Variants in ROBO1 observed in about 807,000 individuals in gnomAD.
ROBO1 encodes the protein roundabout guidance receptor 1, also known as roundabout homolog 1.
Under a neutral mutation model 195.9 loss-of-function variants are expected in ROBO1, and 149 were observed. The ratio of observed to expected loss-of-function variants is 0.76; its 90% CI spans 0.67 to 0.87. The LOEUF is 0.87. ROBO1 is among the 40% of genes least tolerant of loss of function. The pLI, the probability that ROBO1 is intolerant of heterozygous loss-of-function variation, is 0.00. For synonymous variants in ROBO1, 816 were observed against 733.2 expected (o/e 1.11, Z -1.82); for missense variants, 1,933 against 2,068.3 (o/e 0.93, Z 1.27).
rs1340660315 is a variant in ROBO1 at position 79,049,677 on chromosome 3, C to T, written c.172+75779G>A. Among the ~76,000 whole-genome samples, 3 of 152,080 alleles carry T rather than the reference C, an allele frequency of 2.0e-5. 1 individual carries two copies. In the East Asian group the frequency reaches 5.8e-4, roughly 29 times the overall value. On this transcript the variant is annotated intron_variant, in intron 3 of 30. Transcript: ENST00000464233. The stretch of plus-strand genomic sequence containing the variant: ...GGTCAGGTTACCCACAAAGGGAATC[C>T]CATAAGACTAACAGCAGATCTCTTG...
At position 79,353,144 on chromosome 3, in the gene ROBO1, T is replaced by A. The variant is rs183060228; in HGVS notation, c.89-227605A>T. 2.6e-5 allele frequency among the ~76,000 whole-genome samples: 4 copies of A among 152,238 alleles called. No individual in the cohort carries two copies. The South Asian group carries it at 6.2e-4, about 24-fold the overall frequency. On this transcript the variant is annotated intron_variant, in intron 2 of 30. Coordinates refer to ENST00000464233, the MANE Select transcript of ROBO1 (RefSeq NM_002941.4). ...TAGTAAAAGCACAGTGAGATAACAT[T>A]TTTTTATGTTCAGACTGCAGTATTC...
intron 2 of ROBO1, among the ~76,000 whole-genome samples, chr3:79,184,600 G>T (rs1180969568): frequency 3.9e-5 from 6 of 152,056 alleles, no homozygotes; most frequent in Non-Finnish European, 7.4e-5. Flanking sequence ...ACGGTAGGTG[G>T]GTCAGCTTGG....
intron 4 of ROBO1, among the ~76,000 whole-genome samples, chr3:78,786,809 T>G (rs2083850077): frequency 6.6e-6 from 1 of 152,196 alleles, no homozygotes; most frequent in African/African-American, 2.4e-5. Flanking sequence ...CTCTTTTTCT[T>G]TATAAATTAC....
chr3:79,354,776 G>C (rs1003904723), intron 2 of ROBO1, among the ~76,000 whole-genome samples: 2 of 152,238 alleles, frequency 1.3e-5, no homozygotes, highest in East Asian at 3.9e-4. Flanking sequence ...ATTTAATCAT[G>C]TTCCTCCTCT....
chr3:79,482,621 A>T (rs1192624021), intron 2 of ROBO1, among the ~76,000 whole-genome samples: 1 of 152,310 alleles, frequency 6.6e-6, no homozygotes, highest in East Asian at 1.9e-4. Flanking sequence ...GCAGCATAAA[A>T]ACAACTAATA....
intron 1 of ROBO1, among the ~76,000 whole-genome samples, chr3:79,595,205 G>A (rs1014607992): frequency 6.6e-6 from 1 of 151,902 alleles, no homozygotes; most frequent in Non-Finnish European, 1.5e-5. Context: ...CCTGCTAATA[G>A]GAGGGTGATT....
chr3:79,395,340 A>AAAAGAAAGAAAGAAAGAAAGAAAGAAAG (rs71127382), intron 2 of ROBO1, among the ~76,000 whole-genome samples: 1 of 119,082 alleles, frequency 8.4e-6, no homozygotes, highest in African/African-American at 3.1e-5. Flanking sequence ...AAAAAAAAAA[A>AAAAGAAAGAAAGAAAGAAAGAAAGAAAG]AAAGAAAGAA....
chr3:78,643,395 C>T (rs1209176223), intron 21 of ROBO1, among the ~76,000 whole-genome samples: 1 of 152,182 alleles, frequency 6.6e-6, no homozygotes, highest in African/African-American at 2.4e-5. Flanking sequence ...TTATGTTACG[C>T]ACTTCATTGA....
intron 21 of ROBO1, among the ~76,000 whole-genome samples, chr3:78,644,635 T>A (rs1405445031): frequency 6.6e-6 from 1 of 152,198 alleles, no homozygotes; most frequent in Non-Finnish European, 1.5e-5. Flanking sequence ...ATAGTGAGCT[T>A]TCCAAATAGC....
At chr3:78,692,187 G>T (rs2107864757) in intron 8 of ROBO1, among the ~76,000 whole-genome samples, 1 of 151,952 alleles carries the variant, frequency 6.6e-6, no homozygotes, top group Admixed American at 6.6e-5. Flanking sequence ...CAAATAGCCA[G>T]ATATTACATT....
chr3:79,612,429 T>C (rs1390285223), intron 1 of ROBO1, among the ~76,000 whole-genome samples: 1 of 151,514 alleles, frequency 6.6e-6, no homozygotes, highest in Non-Finnish European at 1.5e-5. Context: ...CAGTCTATCA[T>C]TGTTGGACAT....
intron 4 of ROBO1, among the ~76,000 whole-genome samples, chr3:78,894,826 G>C (rs1160266709): frequency 1.3e-5 from 2 of 152,180 alleles, no homozygotes; most frequent in Non-Finnish European, 2.9e-5. Context: ...GCCCACCTCA[G>C]GCAGCCTAAG....
At chr3:79,585,776 C>T (rs961297557) in intron 2 of ROBO1, among the ~76,000 whole-genome samples, 2 of 151,840 alleles carry the variant, frequency 1.3e-5, no homozygotes, top group Non-Finnish European at 2.9e-5. Context: ...GCCATGGGCC[C>T]TGGGAATCTT....
chr3:79,521,196 C>T (rs1425181432), intron 2 of ROBO1, among the ~76,000 whole-genome samples: 1 of 152,106 alleles, frequency 6.6e-6, no homozygotes, highest in East Asian at 1.9e-4. Flanking sequence ...TGTTCCAGGA[C>T]TATAAAGATT....
At chr3:79,523,744 G>A (rs1941313265) in intron 2 of ROBO1, among the ~76,000 whole-genome samples, 1 of 151,954 alleles carries the variant, frequency 6.6e-6, no homozygotes, top group South Asian at 2.1e-4. Context: ...AAAGTGCTGG[G>A]ATTACAGGCA....
chr3:78,897,732 G>A (rs1433804790), intron 4 of ROBO1, among the ~76,000 whole-genome samples: 1 of 151,918 alleles, frequency 6.6e-6, no homozygotes, highest in Non-Finnish European at 1.5e-5. Context: ...CAATGCATTT[G>A]CTTACTCATA....
intron 1 of ROBO1, among the ~76,000 whole-genome samples, chr3:79,664,276 G>C (rs1196919162): frequency 6.6e-6 from 1 of 151,848 alleles, no homozygotes; most frequent in Non-Finnish European, 1.5e-5. Context: ...AAATCATATT[G>C]TAAGCAATGG....
At chr3:79,366,529 G>T (rs567776618) in intron 2 of ROBO1, among the ~76,000 whole-genome samples, 1 of 152,158 alleles carries the variant, frequency 6.6e-6, no homozygotes, top group South Asian at 2.1e-4. Context: ...CCTTATCTTA[G>T]TGCTCTCTTG....
At chr3:78,801,459 A>G (rs1196481333) in intron 4 of ROBO1, among the ~76,000 whole-genome samples, 1 of 152,140 alleles carries the variant, frequency 6.6e-6, no homozygotes, top group Non-Finnish European at 1.5e-5. Context: ...TTCCAATATT[A>G]TCTTCTCTAT....
Sources: allele counts gnomAD v4.1 joint callset (sites outside exome capture counted in the v4.1 genomes callset), GRCh38; gene constraint gnomAD v4.1.1; transcripts MANE v1.5; gene names NCBI Gene and HGNC (gene_info 2026-07-23, HGNC 2026-07-21).